RASGRF1: variants seen among roughly 807,000 people sequenced by gnomAD.
RASGRF1 encodes Ras protein specific guanine nucleotide releasing factor 1, also known as ras-specific guanine nucleotide-releasing factor 1.
Under a neutral mutation model 138.7 loss-of-function variants are expected in RASGRF1, and 40 were observed. The ratio of observed to expected loss-of-function variants is 0.29; its 90% confidence interval spans 0.22 to 0.38. The LOEUF (loss-of-function observed/expected upper bound fraction) is 0.38, where lower values mean the gene tolerates loss of function less well. Among genes scored for constraint, RASGRF1 ranks in the 10% least tolerant of loss-of-function variants. The probability of loss-of-function intolerance (pLI) is 1.00; values close to 1 mark genes in which losing one functional copy is unlikely to be tolerated. For synonymous variants in RASGRF1, 614 were observed against 663.2 expected (o/e 0.93, Z 1.14); for missense variants, 1,108 against 1,650.4 (o/e 0.67, Z 5.69).
chr15:79,048,353 A>T (rs369640037), intron 4 of RASGRF1, among the ~76,000 whole-genome samples: 2,061 of 152,136 alleles, frequency 0.014, 40 homozygotes, highest in African/African-American at 0.045. Context: ...TCTGCTTTTT[A>T]AGGAGATGTT....
chr15:79,032,313 T>TG lies in RASGRF1; in HGVS notation c.961_962insC (p.Asp321AlafsTer4). On this transcript the variant is annotated frameshift_variant, in exon 7 of 27. Transcript: ENST00000558480. LOFTEE classifies it high-confidence loss of function. The surrounding 1 kb of genome is among the most constrained non-coding windows in gnomAD (Gnocchi z 4.5). ...CATGGGCAGCAGGATGTCAAATAGG[T>TG]CAGCTGGAAGGACGAGGCAGTCAGC... is the stretch of plus-strand genomic sequence containing the variant. 1 of 1,613,682 alleles carries TG rather than the reference T, an allele frequency of 6.2e-7. No homozygotes were observed. Among genetic ancestry groups the TG allele is most frequent in the Non-Finnish European group, 8.5e-7 (1 of 1,179,816 alleles).
chr15:79,001,597 G>A (rs996039475), intron 16 of RASGRF1, 65 bp downstream of exon 16: 9 of 1,557,664 alleles, frequency 5.8e-6, no homozygotes, highest in Admixed American at 3.4e-5. Context: ...GCCTTGACTC[G>A]ACTTGACCTA....
At chr15:79,040,661 G>GAGAA (rs2057285928) in intron 5 of RASGRF1, among the ~76,000 whole-genome samples, 1 of 152,054 alleles carries the variant, frequency 6.6e-6, no homozygotes, top group South Asian at 2.1e-4. Flanking sequence ...TAGAGAGAGA[G>GAGAA]AGAGAGTCTG....
chr15:78,986,439 T>C (rs1353486511), intron 22 of RASGRF1, among the ~76,000 whole-genome samples: 2 of 151,864 alleles, frequency 1.3e-5, no homozygotes, highest in Admixed American at 1.3e-4. Flanking sequence ...TTGCACTTCC[T>C]GGGTTCAAGC....
intron 5 of RASGRF1, among the ~76,000 whole-genome samples, chr15:79,037,491 C>T (rs1232325655): frequency 1.3e-5 from 2 of 151,716 alleles, no homozygotes; most frequent in African/African-American, 4.8e-5. Flanking sequence ...TGGAGTCTTG[C>T]TCTGTTGCCT....
intron 8 of RASGRF1, among the ~76,000 whole-genome samples, chr15:79,029,413 A>G (rs1177109013): frequency 6.6e-6 from 1 of 152,174 alleles, no homozygotes; most frequent in Admixed American, 6.5e-5. Context: ...GGGTAATTCC[A>G]AGGTAGCAAA....
In RASGRF1 at chr15:79,027,985, T is replaced by A; in HGVS notation, c.1263-126A>T. Reference sequence around the variant, plus strand: ...CACAAGGATTCTCAGGTGGAGTCTGTGGTCATGGAGGGGAAGGGAGTGTGC... The same window carrying A: ...CACAAGGATTCTCAGGTGGAGTCTGAGGTCATGGAGGGGAAGGGAGTGTGC... On this transcript the variant is annotated intron_variant, in intron 8 of 26. Coordinates refer to ENST00000558480, the MANE Select transcript of RASGRF1 (RefSeq NM_001145648.3). This position sits in a 1 kb window ranked among gnomAD's most constrained non-coding sequence, Gnocchi z 4.8. 1 of 974,844 alleles carries A rather than the reference T, an allele frequency of 1.0e-6. No individual in the cohort carries two copies. Among genetic ancestry groups the A allele is most frequent in the Non-Finnish European group, 1.6e-6 (1 of 628,730 alleles). The allele number at this position is 974,844 out of a possible 1,614,324, so 60.4% of individuals were successfully genotyped here.
intron 15 of RASGRF1, among the ~76,000 whole-genome samples, chr15:79,002,578 T>A (rs1161833202): frequency 6.6e-6 from 1 of 152,178 alleles, no homozygotes; most frequent in Non-Finnish European, 1.5e-5. Context: ...CACACACAGT[T>A]TGGCACATAA....
chr15:79,022,906 G>A (rs2056981798), intron 10 of RASGRF1, among the ~76,000 whole-genome samples: 1 of 152,180 alleles, frequency 6.6e-6, no homozygotes. Context: ...CGGGCGCGGT[G>A]GCTCACGCCT....
chr15:79,031,493 A>G lies in RASGRF1; in HGVS notation c.1169T>C (p.Leu390Pro). The change falls in exon 8 of 27, where the codon CTG becomes CCG. Residue 390 changes from leucine (L) to proline (P), a missense_variant. Leu to Pro is a moderately conservative substitution (Grantham distance 98). Transcript: ENST00000558480. ...GTGGGCCAGGAGCTCATGGAGGGTC[A>G]GGATGTACCTGGGGATCTGCGGGCA... is the stretch of plus-strand genomic sequence containing the variant. ...YPMFQIPRYI[L>P]TLHELLAHTP... is the part of the protein sequence containing the mutation. 6.2e-7 allele frequency: 1 copy of G among 1,611,082 alleles called. No individual in the cohort carries two copies. The highest frequency in any genetic ancestry group is 1.1e-5 in the South Asian group (1 of 90,578).
At chr15:79,065,815 C>T (rs546222179) in intron 1 of RASGRF1, among the ~76,000 whole-genome samples, 19 of 151,858 alleles carry the variant, frequency 1.3e-4, no homozygotes, top group African/African-American at 4.3e-4. Context: ...AGCAGCAGCA[C>T]AAGGTGCAGT....
chr15:79,069,697 C>T (rs150437647), intron 1 of RASGRF1, among the ~76,000 whole-genome samples: 6 of 152,236 alleles, frequency 3.9e-5, no homozygotes, highest in Non-Finnish European at 5.9e-5. Context: ...TAAGGGAAGT[C>T]AAAGATTTGG....
Position 79,046,664 on chromosome 15 carries a change from G to C in RASGRF1, c.878+82C>G. 2 of 1,575,818 alleles carry C rather than the reference G, an allele frequency of 1.3e-6. No individual in the cohort carries two copies. The highest frequency in any genetic ancestry group is 1.7e-6 in the Non-Finnish European group (2 of 1,155,002). On this transcript the variant is annotated intron_variant, in intron 5 of 26. Transcript: ENST00000558480. This position sits in a 1 kb window ranked among gnomAD's most constrained non-coding sequence, Gnocchi z 5.3. The stretch of plus-strand genomic sequence containing the variant: ...CTCATCTGCACTCGGTGGGAACCAC[G>C]TGAGAGAGTGTGTCAAAGCTTAGCT...
chr15:78,997,858 G>C, intron 19 of RASGRF1: 1 of 545,012 alleles, frequency 1.8e-6, no homozygotes, highest in Non-Finnish European at 3.3e-6. Flanking sequence ...CTGGGTTCTT[G>C]CTTTGAAGAG....
In RASGRF1 at chr15:79,001,838, A is replaced by T. The variant is rs772725170; in HGVS notation, c.2450-51T>A. ...TACTTTTCTTAATTTTAATTTTAAA[A>T]TTTAAATATTTGATTTTAAAATTTA... On this transcript the variant is annotated intron_variant, in intron 15 of 26. Transcript: ENST00000558480. The T allele has an allele frequency of 2.4e-5, 29 of 1,207,328 alleles. 2 individuals carry two copies. In the South Asian group the frequency reaches 6.5e-4, roughly 27 times the overall value. The allele number at this position is 1,207,328 out of a possible 1,614,324, so 74.8% of individuals were successfully genotyped here.
At chr15:78,972,538 A>G (rs1325693478) in intron 25 of RASGRF1, among the ~76,000 whole-genome samples, 1 of 152,092 alleles carries the variant, frequency 6.6e-6, no homozygotes, top group Non-Finnish European at 1.5e-5. Context: ...ACATCACTAG[A>G]ACAAAACCCC....
intron 22 of RASGRF1, among the ~76,000 whole-genome samples, chr15:78,989,540 A>C (rs1349816014): frequency 6.6e-6 from 1 of 151,830 alleles, no homozygotes; most frequent in East Asian, 1.9e-4. Context: ...TTCGCTCAGC[A>C]CTGTGGCCTC....
chr15:78,991,227 A>T (rs2056260708), intron 21 of RASGRF1, among the ~76,000 whole-genome samples: 1 of 152,272 alleles, frequency 6.6e-6, no homozygotes, highest in Admixed American at 6.5e-5. Flanking sequence ...AGAAAATTAC[A>T]TAAGTAGAAT....
intron 13 of RASGRF1, among the ~76,000 whole-genome samples, chr15:79,008,958 G>A (rs763933969): frequency 6.6e-6 from 1 of 152,122 alleles, no homozygotes; most frequent in African/African-American, 2.4e-5. Context: ...AATGACCCTC[G>A]TCTTTGCCTT....
Sources: allele counts gnomAD v4.1 joint callset (sites outside exome capture counted in the v4.1 genomes callset), GRCh38; gene constraint gnomAD v4.1.1; non-coding constraint Gnocchi (gnomAD v3.1); transcripts MANE v1.5; gene names NCBI Gene and HGNC (gene_info 2026-07-23, HGNC 2026-07-21).